The following SNTG2 variants were observed in gnomAD, a reference collection of about 807,000 sequenced individuals.
SNTG2 encodes the protein syntrophin gamma 2.
A neutral mutation model predicts 70.9 loss-of-function variants in SNTG2; 74 were observed. The observed-to-expected ratio is 1.04, with a 90% CI of 0.86 to 1.27. The LOEUF (loss-of-function observed/expected upper bound fraction) is 1.27. SNTG2 is among the 50% of genes most tolerant of loss of function. The pLI, the probability that SNTG2 is intolerant of heterozygous loss-of-function variation, is 0.00. For missense variants in SNTG2, 717 were observed against 690.7 expected, an observed-to-expected ratio of 1.04 and a Z score of -0.43; for synonymous variants, 278 against 273.8, an observed-to-expected ratio of 1.02 and a Z score of -0.15.
intron 1 of SNTG2, among the ~76,000 whole-genome samples, chr2:1,066,317 A>G (rs973432265): frequency 1.3e-5 from 2 of 152,166 alleles, no homozygotes; most frequent in Non-Finnish European, 2.9e-5. Context: ...AAAACTTCGC[A>G]GCCCAACTCA....
At chr2:1,031,732 G>A (rs1660851309) in intron 1 of SNTG2, among the ~76,000 whole-genome samples, 1 of 151,354 alleles carries the variant, frequency 6.6e-6, no homozygotes, top group Non-Finnish European at 1.5e-5. Flanking sequence ...ATGAAGTACT[G>A]ATACATGCTA....
At chr2:1,035,571 T>C (rs377236724) in intron 1 of SNTG2, among the ~76,000 whole-genome samples, 1 of 152,216 alleles carries the variant, frequency 6.6e-6, no homozygotes, top group African/African-American at 2.4e-5. Context: ...GGTGTTTTAT[T>C]TGGAATGCTT....
chr2:1,318,885 G>A (rs1438606259), intron 16 of SNTG2, among the ~76,000 whole-genome samples: 3 of 152,138 alleles, frequency 2.0e-5, no homozygotes, highest in Admixed American at 1.3e-4. Flanking sequence ...TCACGCCTGC[G>A]GTGTCCCCGT....
intron 14 of SNTG2, among the ~76,000 whole-genome samples, chr2:1,294,933 G>A (rs1296775643): frequency 1.3e-5 from 2 of 152,208 alleles, no homozygotes; most frequent in African/African-American, 2.4e-5. Flanking sequence ...ACCCAGAGGC[G>A]AGGAAGTAGA....
At chr2:1,313,705 G>A (rs527568280) in intron 15 of SNTG2, among the ~76,000 whole-genome samples, 29 of 152,214 alleles carry the variant, frequency 1.9e-4, no homozygotes, top group Admixed American at 1.8e-3. Context: ...CACCACGTCC[G>A]GCCACACAGC....
chr2:1,140,020 T>A (rs1439314888), intron 6 of SNTG2, among the ~76,000 whole-genome samples: 3 of 152,132 alleles, frequency 2.0e-5, no homozygotes, highest in Non-Finnish European at 4.4e-5. Context: ...ATTTTTCCGA[T>A]GCATAAAGTT....
At chr2:1,305,513 T>C (rs1680635431) in intron 14 of SNTG2, among the ~76,000 whole-genome samples, 1 of 152,140 alleles carries the variant, frequency 6.6e-6, no homozygotes, top group South Asian at 2.1e-4. Context: ...TTTGTAAACA[T>C]AGAGGAAGCC....
At chr2:1,087,210 A>ATGCGCACCTGCTGTTG (rs1186798497) in intron 2 of SNTG2, among the ~76,000 whole-genome samples, 1 of 152,176 alleles carries the variant, frequency 6.6e-6, no homozygotes, top group Non-Finnish European at 1.5e-5. Context: ...CCTTCTGGTG[A>ATGCGCACCTGCTGTTG]TGCGCACCTG....
chr2:1,083,262 A>C (rs1266751267), intron 1 of SNTG2, among the ~76,000 whole-genome samples: 1 of 8,310 alleles, frequency 1.2e-4, no homozygotes, highest in African/African-American at 2.5e-4. Flanking sequence ...AAAAAAAAAC[A>C]AACGCCTGGC....
chr2:1,340,127 C>T, intron 16 of SNTG2, among the ~76,000 whole-genome samples: 1 of 152,320 alleles, frequency 6.6e-6, no homozygotes, highest in Admixed American at 6.5e-5. Flanking sequence ...CTCCTCCCCA[C>T]AAAAAACTGG....
At chr2:1,049,738 G>A (rs1231883311) in intron 1 of SNTG2, among the ~76,000 whole-genome samples, 4 of 152,190 alleles carry the variant, frequency 2.6e-5, no homozygotes, top group South Asian at 4.1e-4. Context: ...CAACATGGCT[G>A]TACCATTTTG....
In SNTG2 at chr2:1,289,747, C is replaced by T. The variant is rs550707131; in HGVS notation, c.1285-18747C>T. On this transcript the variant is annotated intron_variant, in intron 14 of 16. Transcript: ENST00000308624. ...GTCACCACCATCACCAGAACCCTGT[C>T]ATCTTGCAAAGCCGAAGCTCCATTG... 1.6e-3 allele frequency among the ~76,000 whole-genome samples: 237 copies of T among 152,332 alleles called. 1 individual carries two copies. The highest frequency in any genetic ancestry group is 5.2e-3 in the African/African-American group (218 of 41,564).
chr2:996,473 G>C (rs999407482), intron 1 of SNTG2, among the ~76,000 whole-genome samples: 1 of 151,944 alleles, frequency 6.6e-6, no homozygotes, highest in African/African-American at 2.4e-5. Flanking sequence ...AACATTTCTT[G>C]TGACTTCATC....
intron 16 of SNTG2, among the ~76,000 whole-genome samples, chr2:1,332,185 A>G (rs1327767415): frequency 6.6e-6 from 1 of 152,226 alleles, no homozygotes; most frequent in Non-Finnish European, 1.5e-5. Flanking sequence ...TAGTGAGTGA[A>G]AAGTTATCCC....
At chr2:1,241,474 T>TAA (rs1677043297) in intron 11 of SNTG2, among the ~76,000 whole-genome samples, 4 of 124,370 alleles carry the variant, frequency 3.2e-5, no homozygotes, top group South Asian at 5.7e-4. Context: ...TCTTTTTTTT[T>TAA]TATTATTATT....
chr2:1,287,357 A>G, intron 14 of SNTG2, among the ~76,000 whole-genome samples: 1 of 152,288 alleles, frequency 6.6e-6, no homozygotes, highest in African/African-American at 2.4e-5. Flanking sequence ...GTCTGAGCCA[A>G]CCTCGAGTGA....
intron 8 of SNTG2, among the ~76,000 whole-genome samples, chr2:1,203,718 G>GTGTATA (rs745782115): frequency 3.3e-5 from 5 of 150,382 alleles, no homozygotes; most frequent in South Asian, 4.2e-4. Context: ...GTGTGTATGT[G>GTGTATA]TGTATATGTA....
At chr2:1,259,534 T>C (rs1376651953) in intron 13 of SNTG2, 93 bp downstream of exon 13, 7 of 1,029,554 alleles carry the variant, frequency 6.8e-6, no homozygotes, top group Non-Finnish European at 1.0e-5. Context: ...CGTGGTCCAT[T>C]GAAATAGTAA....
At chr2:1,060,370 G>A (rs1438869675) in intron 1 of SNTG2, among the ~76,000 whole-genome samples, 2 of 152,188 alleles carry the variant, frequency 1.3e-5, no homozygotes, top group African/African-American at 2.4e-5. Flanking sequence ...TGTGTACTGT[G>A]TGTGTGTTTG....
Sources: gnomAD v4.1 joint callset for allele counts (sites outside exome capture counted in the v4.1 genomes callset) on GRCh38, gnomAD v4.1.1 for gene constraint, MANE v1.5 for transcripts, NCBI Gene and HGNC (gene_info 2026-07-23, HGNC 2026-07-21) for gene names.